SGCZ: variants seen among roughly 807,000 people sequenced by gnomAD.
SGCZ encodes the protein sarcoglycan zeta.
In SGCZ, 40 loss-of-function variants were observed where a neutral mutation model predicts 41.3. The observed-to-expected ratio is 0.97, with a 90% CI of 0.75 to 1.26. The LOEUF (loss-of-function observed/expected upper bound fraction) is 1.26. Ranked by LOEUF, SGCZ falls within the 50% of genes most tolerant of loss-of-function variation. The pLI, the probability that SGCZ is intolerant of heterozygous loss-of-function variation, is 0.00. For missense variants in SGCZ, 552 were observed against 369.8 expected, an observed-to-expected ratio of 1.49 and a Z score of -4.04; for synonymous variants, 206 against 137.5, an observed-to-expected ratio of 1.50 and a Z score of -3.49.
At chr8:14,630,955 G>T (rs1392406061) in intron 1 of SGCZ, among the ~76,000 whole-genome samples, 3 of 151,848 alleles carry the variant, frequency 2.0e-5, no homozygotes, top group Non-Finnish European at 2.9e-5. Context: ...CACCAATATG[G>T]CACATGTATA....
At chr8:15,172,984 C>G (rs1274847842) in intron 1 of SGCZ, among the ~76,000 whole-genome samples, 1 of 152,170 alleles carries the variant, frequency 6.6e-6, no homozygotes, top group African/African-American at 2.4e-5. Flanking sequence ...ATTGACTATT[C>G]TGAACTTTTT....
intron 3 of SGCZ, among the ~76,000 whole-genome samples, chr8:14,262,413 T>G (rs912881809): frequency 6.6e-6 from 1 of 152,132 alleles, no homozygotes; most frequent in African/African-American, 2.4e-5. Flanking sequence ...CATAGAGATT[T>G]CCTGAGCATA....
intron 1 of SGCZ, among the ~76,000 whole-genome samples, chr8:14,561,568 A>G (rs1305740199): frequency 6.6e-6 from 1 of 152,062 alleles, no homozygotes; most frequent in African/African-American, 2.4e-5. Context: ...TAGTTTTGCC[A>G]TTCTGTTTCA....
rs923241113 is a variant in SGCZ, at chr8:14,237,395, G to A, written c.424+197C>T. Among the ~76,000 whole-genome samples, 11 of 151,902 alleles carry A rather than the reference G, an allele frequency of 7.2e-5. No homozygotes were observed. In the East Asian group the frequency reaches 9.7e-4, roughly 13 times the overall value. On this transcript the variant is annotated intron_variant, in intron 4 of 7. Transcript: ENST00000382080. ...CAATTAAAACAAGCACAGTAGGCCA[G>A]ATGACCCCGATTGCTTGACCTCGTG...
At chr8:14,730,637 G>A (rs996663038) in intron 1 of SGCZ, among the ~76,000 whole-genome samples, 12 of 151,652 alleles carry the variant, frequency 7.9e-5, no homozygotes, top group African/African-American at 2.7e-4. Flanking sequence ...ATGGATGTTC[G>A]GAACTGAAAA....
At chr8:15,009,530 GA>G (rs1329789483) in intron 1 of SGCZ, among the ~76,000 whole-genome samples, 1 of 152,188 alleles carries the variant, frequency 6.6e-6, no homozygotes, top group Non-Finnish European at 1.5e-5. Context: ...ATAGAATGAG[GA>G]AAATGGCATC....
At chr8:14,351,583 T>A (rs1803095962) in intron 2 of SGCZ, among the ~76,000 whole-genome samples, 1 of 151,226 alleles carries the variant, frequency 6.6e-6, no homozygotes, top group African/African-American at 2.4e-5. Flanking sequence ...ATAATGTATA[T>A]ATTATATAGG....
intron 1 of SGCZ, among the ~76,000 whole-genome samples, chr8:14,718,273 C>A (rs1303066700): frequency 1.3e-5 from 2 of 151,712 alleles, no homozygotes; most frequent in African/African-American, 2.4e-5. Context: ...GTAATTTTTA[C>A]AGCATTCAGG....
At chr8:14,307,100 C>T (rs999712853) in intron 3 of SGCZ, among the ~76,000 whole-genome samples, 1 of 152,086 alleles carries the variant, frequency 6.6e-6, no homozygotes, top group African/African-American at 2.4e-5. Flanking sequence ...GCAAGTACTG[C>T]TATAATAACT....
intron 2 of SGCZ, among the ~76,000 whole-genome samples, chr8:14,541,239 C>G (rs368190533): frequency 1.3e-5 from 2 of 151,780 alleles, no homozygotes; most frequent in Non-Finnish European, 2.9e-5. Flanking sequence ...ACCTATCAAC[C>G]CAAGATCTAG....
At chr8:14,099,655 G>A (rs188840096) in intron 7 of SGCZ, among the ~76,000 whole-genome samples, 2 of 152,242 alleles carry the variant, frequency 1.3e-5, no homozygotes, top group East Asian at 1.9e-4. Context: ...AACCCAGGGG[G>A]TGGAGGTTGC....
rs559012154 is a variant in SGCZ at position 14,688,958 on chromosome 8, A to C, written c.40-134032T>G. ...ATATACAAAAATCACAAGCATTCTT[A>C]TACACCAATAACAGACAAACAGAGA... On this transcript the variant is annotated intron_variant, in intron 1 of 7. Transcript: ENST00000382080. Among the ~76,000 whole-genome samples, 5 of 152,296 alleles carry C rather than the reference A, an allele frequency of 3.3e-5. 1 individual carries two copies. In the South Asian group the frequency reaches 1.0e-3, roughly 32 times the overall value.
intron 1 of SGCZ, among the ~76,000 whole-genome samples, chr8:14,574,006 T>C (rs915752735): frequency 2.0e-5 from 3 of 152,064 alleles, no homozygotes; most frequent in Non-Finnish European, 4.4e-5. Flanking sequence ...TGCTTAGTCA[T>C]TGAAACTCCT....
At chr8:14,176,874 C>A (rs1008652974) in intron 4 of SGCZ, among the ~76,000 whole-genome samples, 1 of 152,196 alleles carries the variant, frequency 6.6e-6, no homozygotes, top group African/African-American at 2.4e-5. Flanking sequence ...CAGTGAGGAT[C>A]TTGAAAGCTC....
intron 1 of SGCZ, among the ~76,000 whole-genome samples, chr8:14,902,556 G>A (rs1266256638): frequency 1.3e-5 from 2 of 152,080 alleles, no homozygotes; most frequent in African/African-American, 4.8e-5. Flanking sequence ...AATGGCAAGA[G>A]CATCTTTCTG....
intron 1 of SGCZ, among the ~76,000 whole-genome samples, chr8:14,968,032 C>G (rs1585421260): frequency 6.6e-6 from 1 of 152,118 alleles, no homozygotes; most frequent in Non-Finnish European, 1.5e-5. Flanking sequence ...TTTAATCCAA[C>G]TAGAATTTAT....
intron 1 of SGCZ, among the ~76,000 whole-genome samples, chr8:14,651,718 C>T (rs1807406361): frequency 6.6e-6 from 1 of 151,882 alleles, no homozygotes; most frequent in African/African-American, 2.4e-5. Context: ...TGTCTTTAGC[C>T]TCTCATCTTG....
At chr8:14,396,618 C>T (rs548452170) in intron 2 of SGCZ, among the ~76,000 whole-genome samples, 155 of 152,086 alleles carry the variant, frequency 1.0e-3, no homozygotes, top group African/African-American at 3.6e-3. Context: ...CCCATTCTAC[C>T]ACATATTGCA....
chr8:14,249,780 T>A (rs1291132708), intron 3 of SGCZ, among the ~76,000 whole-genome samples: 1 of 152,122 alleles, frequency 6.6e-6, no homozygotes, highest in Non-Finnish European at 1.5e-5. Flanking sequence ...TTCAAATGAC[T>A]GGAGCGATTT....
Sources: allele counts gnomAD v4.1 joint callset (sites outside exome capture counted in the v4.1 genomes callset), GRCh38; gene constraint gnomAD v4.1.1; transcripts MANE v1.5; gene names NCBI Gene and HGNC (gene_info 2026-07-23, HGNC 2026-07-21).